The following LRRFIP1 variants were observed in gnomAD, a reference collection of about 807,000 sequenced individuals.
LRRFIP1 encodes leucine-rich repeat flightless-interacting protein 1.
A neutral mutation model predicts 104.4 loss-of-function variants in LRRFIP1; 62 were observed. That is an observed-to-expected ratio of 0.59 (90% CI 0.48 to 0.73). LRRFIP1 has a LOEUF of 0.73. Among genes scored for constraint, LRRFIP1 ranks in the 30% least tolerant of loss-of-function variants. The pLI is 0.00. For synonymous variants in LRRFIP1, 300 were observed against 299.0 expected (o/e 1.00, Z -0.03); for missense variants, 796 against 824.5 (o/e 0.97, Z 0.42).
chr2:237,645,481 G>A (rs951090624), intron 1 of LRRFIP1, among the ~76,000 whole-genome samples: 1 of 149,908 alleles, frequency 6.7e-6, no homozygotes. Context: ...CCTCTCCTCC[G>A]ACTTGCCACC....
chr2:237,715,401 G>A (rs1451866048), intron 3 of LRRFIP1, among the ~76,000 whole-genome samples: 1 of 152,186 alleles, frequency 6.6e-6, no homozygotes, highest in Non-Finnish European at 1.5e-5. Context: ...ACAGCAGGAC[G>A]CTCTCATCCA....
chr2:237,756,860 G>T (rs2059324821), intron 16 of LRRFIP1, among the ~76,000 whole-genome samples: 1 of 152,090 alleles, frequency 6.6e-6, no homozygotes, highest in Non-Finnish European at 1.5e-5. Flanking sequence ...GACCTTGAGA[G>T]AAGGGATTAT....
chr2:237,713,957 TA>T (rs1366386244), intron 2 of LRRFIP1, among the ~76,000 whole-genome samples: 1 of 152,256 alleles, frequency 6.6e-6, no homozygotes, highest in Non-Finnish European at 1.5e-5. Flanking sequence ...ATGAAGGAAG[TA>T]CTTTTTCTCA....
At chr2:237,681,964 T>C (rs983699758) in intron 1 of LRRFIP1, among the ~76,000 whole-genome samples, 4 of 152,098 alleles carry the variant, frequency 2.6e-5, no homozygotes, top group African/African-American at 9.7e-5. Context: ...ATTGTGTTCA[T>C]CTGAGGACTA....
chr2:237,727,981 T>C lies in LRRFIP1; in HGVS notation c.444+46T>C, dbSNP rs147520634. ...TGGCTCAAAATTCAAATAGGTTGTT[T>C]CAAAGCTTCTAGAACTAAAAACTAA... On this transcript the variant is annotated intron_variant, in intron 8 of 23. Coordinates refer to ENST00000308482, the MANE Select transcript of LRRFIP1 (RefSeq NM_001137550.2). 7.3e-4 allele frequency: 1,024 copies of C among 1,407,080 alleles called. 8 individuals carry two copies. The African/African-American group carries it at 0.013, about 18-fold the overall frequency. 87.2% of individuals were successfully genotyped at this position (1,407,080 alleles called of 1,614,324 possible). A position where few individuals can be genotyped will look rare whatever the true frequency, so the allele number is the denominator to read the frequency against.
At chr2:237,660,916 C>G (rs909933752) in intron 1 of LRRFIP1, among the ~76,000 whole-genome samples, 19 of 152,278 alleles carry the variant, frequency 1.2e-4, no homozygotes, top group African/African-American at 4.6e-4. Context: ...TATACAGCGT[C>G]GGGACACCTG....
At chr2:237,729,005 CT>C (rs1421360181) in intron 8 of LRRFIP1, among the ~76,000 whole-genome samples, 5 of 152,248 alleles carry the variant, frequency 3.3e-5, no homozygotes, top group Admixed American at 1.3e-4. Flanking sequence ...TCACTGCAAC[CT>C]CTGCCTCCTG....
At chr2:237,692,456 A>G in intron 1 of LRRFIP1, 2 of 1,523,280 alleles carry the variant, frequency 1.3e-6, no homozygotes, top group Non-Finnish European at 1.8e-6. Context: ...GCCCGGCAGG[A>G]TGACCAGCCC....
At chr2:237,749,784 G>GC (rs1431554081) in intron 13 of LRRFIP1, among the ~76,000 whole-genome samples, 1 of 152,090 alleles carries the variant, frequency 6.6e-6, no homozygotes, top group Non-Finnish European at 1.5e-5. Flanking sequence ...GCCTTTAGTA[G>GC]CCCTCATCTT....
intron 17 of LRRFIP1, 73 bp downstream of exon 17, chr2:237,757,621 T>G (rs563149605): frequency 8.6e-7 from 1 of 1,161,414 alleles, no homozygotes; most frequent in South Asian, 1.4e-5. Flanking sequence ...TTCAGAGTCT[T>G]TAGTTTGCAA....
chr2:237,714,295 A>C lies in LRRFIP1; in HGVS notation c.201+19A>C, dbSNP rs751483562. 8.8e-6 allele frequency: 14 copies of C among 1,591,960 alleles called. No homozygotes were observed. The highest frequency in any genetic ancestry group is 1.7e-5 in the Admixed American group (1 of 58,586). On this transcript the variant is annotated intron_variant, in intron 3 of 23. Coordinates refer to ENST00000308482, the MANE Select transcript of LRRFIP1 (RefSeq NM_001137550.2). ...CCAAAAGGTAGGCTCTTCTTTCTTTATTTTCTAACTTGCATGTACTGTTTT... is the reference window on the plus strand; with the variant it reads ...CCAAAAGGTAGGCTCTTCTTTCTTTCTTTTCTAACTTGCATGTACTGTTTT...
At chr2:237,720,853 GCA>G (rs1488781649) in intron 6 of LRRFIP1, 31 bp downstream of exon 6, 3 of 1,605,142 alleles carry the variant, frequency 1.9e-6, no homozygotes, top group Admixed American at 3.3e-5. Context: ...AGTTTGCATG[GCA>G]CAGTTTCTGG....
intron 1 of LRRFIP1, among the ~76,000 whole-genome samples, chr2:237,680,989 C>T (rs1441710282): frequency 3.3e-5 from 5 of 151,932 alleles, no homozygotes. Flanking sequence ...TCAAAAACAA[C>T]AACAACAATG....
At chr2:237,692,558 C>A in intron 1 of LRRFIP1, 2 of 1,485,248 alleles carry the variant, frequency 1.3e-6, no homozygotes, top group Non-Finnish European at 1.8e-6. Context: ...TCTTTCGTGA[C>A]TGCGGCGGGG....
chr2:237,644,915 C>A (rs760170067), intron 1 of LRRFIP1, among the ~76,000 whole-genome samples: 13 of 152,238 alleles, frequency 8.5e-5, no homozygotes, highest in Non-Finnish European at 1.5e-4. Flanking sequence ...AGCGCCCTTT[C>A]CCTCACATCC....
intron 1 of LRRFIP1, among the ~76,000 whole-genome samples, chr2:237,689,672 A>G (rs886796519): frequency 3.9e-5 from 6 of 152,078 alleles, no homozygotes; most frequent in Non-Finnish European, 8.8e-5. Context: ...TGCCTGGCCC[A>G]TCCCAGTTCT....
intron 18 of LRRFIP1, among the ~76,000 whole-genome samples, chr2:237,759,641 G>A (rs10198548): frequency 0.096 from 14,657 of 152,146 alleles, 1,210 homozygotes; most frequent in African/African-American, 0.23. Flanking sequence ...CATAAGTTTC[G>A]TGTGTCTCTT....
At chr2:237,764,018 C>G (rs1468882160) in intron 19 of LRRFIP1, 1 of 1,614,070 alleles carries the variant, frequency 6.2e-7, no homozygotes, top group Non-Finnish European at 8.5e-7. Flanking sequence ...CAGCAATAGC[C>G]TAGAGAACGA....
At chr2:237,641,213 T>TA (rs768910623) in intron 1 of LRRFIP1, among the ~76,000 whole-genome samples, 770 of 125,482 alleles carry the variant, frequency 6.1e-3, no homozygotes, top group Middle Eastern at 7.9e-3. Context: ...CCATCTCTAT[T>TA]AAAAAAAAAA....
Sources: gnomAD v4.1 joint callset for allele counts (sites outside exome capture counted in the v4.1 genomes callset) on GRCh38, gnomAD v4.1.1 for gene constraint, MANE v1.5 for transcripts, NCBI Gene and HGNC (gene_info 2026-07-23, HGNC 2026-07-21) for gene names.